ZNF689: variants seen among roughly 807,000 people sequenced by gnomAD.
ZNF689 encodes short ORF-encoded histone-binding protein.
Under a neutral mutation model 37.2 loss-of-function variants are expected in ZNF689, and 14 were observed. The ratio of observed to expected loss-of-function variants is 0.38; its 90% CI spans 0.25 to 0.59. The LOEUF (loss-of-function observed/expected upper bound fraction) is 0.59, where lower values mean the gene tolerates loss of function less well. Ranked by LOEUF, ZNF689 falls within the 20% of genes least tolerant of loss-of-function variation. The pLI is 0.68. For synonymous variants in ZNF689, 277 were observed against 283.3 expected, an observed-to-expected ratio of 0.98 and a Z score of 0.22; for missense variants, 573 against 700.2, an observed-to-expected ratio of 0.82 and a Z score of 2.05.
In ZNF689 at chr16:30,605,402, G is replaced by A; in HGVS notation, c.365C>T (p.Pro122Leu). The change falls in exon 3 of 3, where the codon CCT becomes CTT. Residue 122 changes from proline to leucine, a missense_variant. Physicochemically the swap from Pro to Leu is moderately conservative, Grantham distance 98. Around this residue, in one of 3 missense-constraint regions of ZNF689, gnomAD observed 252 missense variants for 313.3 expected, o/e 0.80. Transcript: ENST00000287461. This position sits in a 1 kb window ranked among gnomAD's most constrained non-coding sequence, Gnocchi z 5.1. Reference sequence around the variant, plus strand: ...CTTCCCCTTTCGGGGTGCCTCCTTAGGCGGGAATACTTCCTTCTCCCCATT... The same window carrying A: ...CTTCCCCTTTCGGGGTGCCTCCTTAAGCGGGAATACTTCCTTCTCCCCATT... ...KKNGEKEVFPPKEAPRKGKRG... is the reference protein window; with the variant it reads ...KKNGEKEVFPLKEAPRKGKRG... 2 of 1,613,874 alleles carry A rather than the reference G, an allele frequency of 1.2e-6. No homozygotes were observed. The highest frequency in any genetic ancestry group is 1.7e-6 in the Non-Finnish European group (2 of 1,179,976).
intron 2 of ZNF689, among the ~76,000 whole-genome samples, chr16:30,606,955 T>A (rs988665239): frequency 2.0e-5 from 3 of 152,170 alleles, no homozygotes; most frequent in Non-Finnish European, 4.4e-5. Flanking sequence ...CTTAGCTGAT[T>A]CTTTAAAAAA....
Position 30,606,694 on chromosome 16 carries a change from G to A in ZNF689, c.320-1247C>T, listed in dbSNP as rs560317523. 1.3e-3 allele frequency among the ~76,000 whole-genome samples: 201 copies of A among 151,996 alleles called. 1 individual carries two copies. The highest frequency in any genetic ancestry group is 6.8e-3 in the Middle Eastern group (2 of 294). On this transcript the variant is annotated intron_variant, in intron 2 of 2. Coordinates refer to ENST00000287461, the MANE Select transcript of ZNF689 (RefSeq NM_138447.3). Reference sequence around the variant, plus strand: ...TTTTTGTATTTTTAGTAGAGTCAGGGTTTCACCATGTTGGCCAGGTTGGTC... The same window carrying A: ...TTTTTGTATTTTTAGTAGAGTCAGGATTTCACCATGTTGGCCAGGTTGGTC...
In ZNF689 at chr16:30,603,896, G is replaced by A. The variant is rs989667361; in HGVS notation, c.*368C>T. Reference sequence around the variant, plus strand: ...AGTATGGAGGAAGAGGCAGAGTAGGGGAAGGTCCTGCCCCTATGAGATTCT... The same window carrying A: ...AGTATGGAGGAAGAGGCAGAGTAGGAGAAGGTCCTGCCCCTATGAGATTCT... On this transcript the variant is annotated 3_prime_UTR_variant, in exon 3 of 3. Transcript: ENST00000287461. 6.7e-5 allele frequency: 25 copies of A among 374,516 alleles called. No homozygotes were observed. The highest frequency in any genetic ancestry group is 1.8e-4 in the Admixed American group (5 of 27,340). 23.2% of individuals were successfully genotyped at this position (374,516 alleles called of 1,614,324 possible).
chr16:30,609,764 G>A, intron 1 of ZNF689, 73 bp downstream of exon 1: 3 of 1,567,512 alleles, frequency 1.9e-6, no homozygotes, highest in Non-Finnish European at 1.7e-6. Flanking sequence ...CAGGACCGTG[G>A]CCTCCCTGCC....
At chr16:30,609,472 A>C in intron 2 of ZNF689, 53 bp downstream of exon 2, 1 of 1,529,480 alleles carries the variant, frequency 6.5e-7, no homozygotes. Context: ...GAGCCGTTAG[A>C]GGTAGAACGT....
At position 30,605,575 on chromosome 16, in the gene ZNF689, T is replaced by C. The variant is rs924239988; in HGVS notation, c.320-128A>G. 139 of 926,364 alleles carry C rather than the reference T, an allele frequency of 1.5e-4. No homozygotes were observed. The highest frequency in any genetic ancestry group is 1.3e-3 in the Middle Eastern group (4 of 3,114). 57.4% of individuals were successfully genotyped at this position (926,364 alleles called of 1,614,324 possible). A position where few individuals can be genotyped will look rare whatever the true frequency, so the allele number is the denominator to read the frequency against. On this transcript the variant is annotated intron_variant, in intron 2 of 2. Transcript: ENST00000287461. The surrounding 1 kb of genome is among the most constrained non-coding windows in gnomAD (Gnocchi z 5.1). ...TCCTAGTGCCACAGACAGCTAAGTGTGACATACTGTCATGCAAATACGGTG... is the reference window on the plus strand; with the variant it reads ...TCCTAGTGCCACAGACAGCTAAGTGCGACATACTGTCATGCAAATACGGTG...
chr16:30,604,367 C>G lies in ZNF689; in HGVS notation c.1400G>C (p.Arg467Pro). Residue 467 changes from arginine to proline, a missense_variant, in exon 3 of 3, where the codon CGC becomes CCC. Coordinates refer to ENST00000287461, the MANE Select transcript of ZNF689 (RefSeq NM_138447.3). The surrounding 1 kb of genome is among the most constrained non-coding windows in gnomAD (Gnocchi z 5.2). ...FPCLECGRCF[R>P]QRWSLAVHKC... ...GTGGACAGCCAGAGACCACCTCTGG[C>G]GGAAGCACCGGCCACACTCGAGGCA... The G allele has an allele frequency of 6.2e-7, 1 of 1,613,534 alleles. No homozygotes were observed. The highest frequency in any genetic ancestry group is 8.5e-7 in the Non-Finnish European group (1 of 1,179,806).
In ZNF689 at chr16:30,604,560, A is replaced by G. The variant is rs1400428271; in HGVS notation, c.1207T>C (p.Cys403Arg). 16 of 1,588,776 alleles carry G rather than the reference A, an allele frequency of 1.0e-5. No individual in the cohort carries two copies. Among genetic ancestry groups the G allele is most frequent in the Non-Finnish European group, 1.4e-5 (16 of 1,168,210 alleles). Residue 403 changes from cysteine to arginine, a missense_variant, in exon 3 of 3, where the codon TGC becomes CGC. Around this residue, in one of 3 missense-constraint regions of ZNF689, gnomAD observed 317 missense variants for 367.1 expected, o/e 0.86. Transcript: ENST00000287461. The surrounding 1 kb of genome is among the most constrained non-coding windows in gnomAD (Gnocchi z 5.2). ...STHTEEKLHA[C>R]DDCGRRFAYP... ...GCAAAGCGGCGACCACAGTCGTCGC[A>G]GGCGTGCAGCTTCTCCTCTGTGTGC...
intron 2 of ZNF689, among the ~76,000 whole-genome samples, chr16:30,609,102 C>A (rs1301288162): frequency 1.3e-5 from 2 of 152,022 alleles, no homozygotes; most frequent in Non-Finnish European, 2.9e-5. Context: ...TGGCTAGAGG[C>A]AGAGATCCTG....
At position 30,605,153 on chromosome 16, in the gene ZNF689, T is replaced by C; in HGVS notation, c.614A>G (p.Tyr205Cys). 6.2e-7 allele frequency: 1 copy of C among 1,614,056 alleles called. No homozygotes were observed. Among genetic ancestry groups the C allele is most frequent in the Non-Finnish European group, 8.5e-7 (1 of 1,180,008 alleles). ...ACGTTTGCCACACTGGTCACAAACATAGGGGCACTCGCCGGAGTGTGCCCG... is the reference window on the plus strand; with the variant it reads ...ACGTTTGCCACACTGGTCACAAACACAGGGGCACTCGCCGGAGTGTGCCCG... ...HRRAHSGECP[Y>C]VCDQCGKRFS... Residue 205 changes from tyrosine to cysteine, a missense_variant, in exon 3 of 3, where the codon TAT becomes TGT. Physicochemically the swap from Tyr to Cys is radical, Grantham distance 194 (BLOSUM62 -2). This residue lies in a region of ZNF689 where 252 missense variants were observed against 313.3 expected (regional missense o/e 0.80). Coordinates refer to ENST00000287461, the MANE Select transcript of ZNF689 (RefSeq NM_138447.3). This position sits in a 1 kb window ranked among gnomAD's most constrained non-coding sequence, Gnocchi z 5.1.
intron 2 of ZNF689, among the ~76,000 whole-genome samples, chr16:30,608,864 C>G (rs931419782): frequency 6.6e-6 from 1 of 152,198 alleles, no homozygotes; most frequent in African/African-American, 2.4e-5. Context: ...CCAGACAGCT[C>G]CATCTTCTAC....
chr16:30,606,518 G>A (rs923436571), intron 2 of ZNF689, among the ~76,000 whole-genome samples: 4 of 129,816 alleles, frequency 3.1e-5, no homozygotes, highest in Non-Finnish European at 6.5e-5. Flanking sequence ...TTTCTTTTTT[G>A]AGACAGAGTC....
chr16:30,607,740 C>T (rs1433615998), intron 2 of ZNF689, among the ~76,000 whole-genome samples: 4 of 152,026 alleles, frequency 2.6e-5, no homozygotes, highest in African/African-American at 9.7e-5. Flanking sequence ...AAGGCCAAGG[C>T]AGGCGGATCA....
In ZNF689 at chr16:30,609,910, G is replaced by A; in HGVS notation, c.132C>T (p.Gly44=). ...VAVYFSPEEW[G]CLRPAQRALY... Reference sequence around the variant, plus strand: ...GGGCCCTCTGCGCGGGCCGCAGGCAGCCCCACTCCTCCGGGGAGAAGTACA... The same window carrying A: ...GGGCCCTCTGCGCGGGCCGCAGGCAACCCCACTCCTCCGGGGAGAAGTACA... Residue 44 remains glycine (G), a synonymous_variant, in exon 1 of 3, where the codon GGC becomes GGT. Coordinates refer to ENST00000287461, the MANE Select transcript of ZNF689 (RefSeq NM_138447.3). 8.1e-6 allele frequency: 13 copies of A among 1,612,528 alleles called. No homozygotes were observed. Among genetic ancestry groups the A allele is most frequent in the Non-Finnish European group, 1.0e-5 (12 of 1,179,584 alleles).
chr16:30,605,563 G>A lies in ZNF689; in HGVS notation c.320-116C>T. 2.8e-6 allele frequency: 3 copies of A among 1,065,340 alleles called. No individual in the cohort carries two copies. Among genetic ancestry groups the A allele is most frequent in the Non-Finnish European group, 4.1e-6 (3 of 740,382 alleles). 66.0% of individuals were successfully genotyped at this position (1,065,340 alleles called of 1,614,324 possible). On this transcript the variant is annotated intron_variant, in intron 2 of 2. Transcript: ENST00000287461. The surrounding 1 kb of genome is among the most constrained non-coding windows in gnomAD (Gnocchi z 5.1). Reference sequence around the variant, plus strand: ...CCTGGTCTCAATTCCTAGTGCCACAGACAGCTAAGTGTGACATACTGTCAT... The same window carrying A: ...CCTGGTCTCAATTCCTAGTGCCACAAACAGCTAAGTGTGACATACTGTCAT...
intron 2 of ZNF689, among the ~76,000 whole-genome samples, chr16:30,607,248 CAAAAAAAAAAAAA>C (rs758625831): frequency 4.3e-4 from 8 of 18,602 alleles, no homozygotes; most frequent in Non-Finnish European, 6.6e-4. Flanking sequence ...GACTCCATCT[CAAAAAAAAAAAAA>C]AAAAAAAAAA....
In ZNF689 at chr16:30,605,195, A is replaced by C; in HGVS notation, c.572T>G (p.Leu191Arg). Residue 191 changes from leucine to arginine, a missense_variant, in exon 3 of 3, where the codon CTG becomes CGG. Physicochemically the swap from Leu to Arg is moderately radical, Grantham distance 102 (BLOSUM62 -2). Transcript: ENST00000287461. The surrounding 1 kb of genome is among the most constrained non-coding windows in gnomAD (Gnocchi z 5.1). ...GTGTGCCCGCCGGTGACTGACCAGC[A>C]GGGATGGATAGGAAAAGCGGCGCCC... is the stretch of plus-strand genomic sequence containing the variant. ...DCGRRFSYPSLLVSHRRAHSG... is the reference protein window; with the variant it reads ...DCGRRFSYPSRLVSHRRAHSG... 1 of 1,614,068 alleles carries C rather than the reference A, an allele frequency of 6.2e-7. No individual in the cohort carries two copies. Among genetic ancestry groups the C allele is most frequent in the Middle Eastern group, 1.6e-4 (1 of 6,062 alleles).
rs2052085795 is a variant in ZNF689 at position 30,610,373 on chromosome 16, CCCT to C, written c.-335_-333del. 3.2e-6 allele frequency: 1 copy of C among 314,062 alleles called. No individual in the cohort carries two copies. Among genetic ancestry groups the C allele is most frequent in the African/African-American group, 2.2e-5 (1 of 45,560 alleles). 19.5% of individuals were successfully genotyped at this position (314,062 alleles called of 1,614,324 possible). On this transcript the variant is annotated 5_prime_UTR_variant, in exon 1 of 3. Coordinates refer to ENST00000287461, the MANE Select transcript of ZNF689 (RefSeq NM_138447.3). ...CCATGCCGGCTTCCTAACCTCTTTG[CCCT>C]CAAGTGTAATGGCGCTGCGATTGGG...
Position 30,605,814 on chromosome 16 carries a change from C to A in ZNF689, c.320-367G>T. 6.6e-6 allele frequency among the ~76,000 whole-genome samples: 1 copy of A among 152,084 alleles called. No homozygotes were observed. Among genetic ancestry groups the A allele is most frequent in the South Asian group, 2.1e-4 (1 of 4,816 alleles). On this transcript the variant is annotated intron_variant, in intron 2 of 2. Transcript: ENST00000287461. The surrounding 1 kb of genome is among the most constrained non-coding windows in gnomAD (Gnocchi z 5.1). The stretch of plus-strand genomic sequence containing the variant: ...TTCTACTAAAAATACAAAAATTAGC[C>A]GGGCGTGGTGGCACGCACCTGTAAT...
Sources: gnomAD v4.1 joint callset for allele counts (sites outside exome capture counted in the v4.1 genomes callset) on GRCh38, gnomAD v4.1.1 for gene constraint, gnomAD v4.1.1 regional missense constraint, Gnocchi (gnomAD v3.1) non-coding constraint, MANE v1.5 for transcripts, NCBI Gene and HGNC (gene_info 2026-07-23, HGNC 2026-07-21) for gene names.